SPRED1: variants seen among roughly 807,000 people sequenced by gnomAD.
SPRED1 encodes sprouty-related, EVH1 domain-containing protein 1.
SPRED1 carries 18 observed loss-of-function variants against 52.3 expected under a neutral mutation model. That is an observed-to-expected ratio of 0.34 (90% CI 0.24 to 0.51). The LOEUF (loss-of-function observed/expected upper bound fraction) is 0.51. Among genes scored for constraint, SPRED1 ranks in the 20% least tolerant of loss-of-function variants. The probability of loss-of-function intolerance (pLI) is 0.97; values close to 1 mark genes in which losing one functional copy is unlikely to be tolerated. For synonymous variants in SPRED1, 155 were observed against 179.7 expected (o/e 0.86, Z 1.10); for missense variants, 485 against 551.0 (o/e 0.88, Z 1.20).
intron 4 of SPRED1, among the ~76,000 whole-genome samples, chr15:38,330,401 A>G (rs1895784149): frequency 6.6e-6 from 1 of 152,168 alleles, no homozygotes; most frequent in Non-Finnish European, 1.5e-5. Flanking sequence ...GGGCTGGTTT[A>G]TTCTTACCCT....
Position 38,348,416 on chromosome 15 carries a change from C to CTGTGTGTGTG in SPRED1, c.583-992_583-983dup, listed in dbSNP as rs3075338. ...GTACAAAGGGTCCTATTTTAAAGAT[C>CTGTGTGTGTG]TGTGTGTGTGTGTGTGTGTGTGTCT... On this transcript the variant is annotated intron_variant, in intron 5 of 6. Transcript: ENST00000299084. Among the ~76,000 whole-genome samples, 417 of 148,652 alleles carry CTGTGTGTGTG rather than the reference C, an allele frequency of 2.8e-3. 2 individuals are homozygous for CTGTGTGTGTG. Among genetic ancestry groups the CTGTGTGTGTG allele is most frequent in the African/African-American group, 9.5e-3 (389 of 40,850 alleles).
chr15:38,280,898 A>G (rs947001746), intron 1 of SPRED1, among the ~76,000 whole-genome samples: 2 of 152,210 alleles, frequency 1.3e-5, no homozygotes, highest in Non-Finnish European at 2.9e-5. Context: ...TCACCTAAAC[A>G]TCCATATCTC....
At chr15:38,330,551 T>C (rs1378514383) in intron 4 of SPRED1, among the ~76,000 whole-genome samples, 1 of 152,108 alleles carries the variant, frequency 6.6e-6, no homozygotes, top group Admixed American at 6.6e-5. Flanking sequence ...GTAATTTTTT[T>C]CCTTTTTTTC....
In SPRED1 at chr15:38,308,752, G is replaced by T. The variant is rs564971617; in HGVS notation, c.207+9205G>T. On this transcript the variant is annotated intron_variant, in intron 2 of 6. Transcript: ENST00000299084. ...CTGAAGGACATCTTGGCTGTTTCCA[G>T]TTTGGGACTAAATATAACGTTGCTG... Among the ~76,000 whole-genome samples the T allele has an allele frequency of 1.7e-4, 26 of 152,288 alleles. No homozygotes were observed. The East Asian group carries it at 5.0e-3, about 29-fold the overall frequency.
chr15:38,288,332 T>C, intron 1 of SPRED1, among the ~76,000 whole-genome samples: 1 of 152,112 alleles, frequency 6.6e-6, no homozygotes, highest in South Asian at 2.1e-4. Flanking sequence ...GTTAATAAAT[T>C]GAGAGGAAGG....
chr15:38,332,194 T>C (rs770585463), intron 4 of SPRED1, among the ~76,000 whole-genome samples: 1 of 152,216 alleles, frequency 6.6e-6, no homozygotes, highest in Admixed American at 6.5e-5. Flanking sequence ...ATATGTCAAA[T>C]AGTAATAGTG....
At chr15:38,267,819 G>C (rs1423909659) in intron 1 of SPRED1, among the ~76,000 whole-genome samples, 1 of 152,162 alleles carries the variant, frequency 6.6e-6, no homozygotes, top group Non-Finnish European at 1.5e-5. Flanking sequence ...ATGGCTTTCA[G>C]ACTTTTTGAC....
At chr15:38,278,006 T>TAATGAC (rs150126215) in intron 1 of SPRED1, among the ~76,000 whole-genome samples, 2 of 151,300 alleles carry the variant, frequency 1.3e-5, no homozygotes, top group South Asian at 2.1e-4. Context: ...AAGGATGTAT[T>TAATGAC]AATGGCAAGT....
intron 1 of SPRED1, among the ~76,000 whole-genome samples, chr15:38,265,756 G>GA (rs895907585): frequency 4.6e-5 from 7 of 151,794 alleles, no homozygotes; most frequent in Admixed American, 1.3e-4. Flanking sequence ...ATTTTTAATG[G>GA]AAAAAAACAT....
intron 2 of SPRED1, among the ~76,000 whole-genome samples, chr15:38,300,964 T>C (rs1378026613): frequency 6.6e-6 from 1 of 152,150 alleles, no homozygotes; most frequent in East Asian, 1.9e-4. Context: ...GGTGAAAATC[T>C]AAGGCATTTT....
At position 38,354,742 on chromosome 15, in the gene SPRED1, T is replaced by G. The variant is rs543909086; in HGVS notation, c.*3078T>G. On this transcript the variant is annotated 3_prime_UTR_variant, in exon 7 of 7. Coordinates refer to ENST00000299084, the MANE Select transcript of SPRED1 (RefSeq NM_152594.3). ...TCTTACATATCCTGTTTTAAAATATTTGTTGATATTTGGGACTGGCAATCA... is the reference window on the plus strand; with the variant it reads ...TCTTACATATCCTGTTTTAAAATATGTGTTGATATTTGGGACTGGCAATCA... 6.6e-6 allele frequency: 1 copy of G among 152,328 alleles called. No individual in the cohort carries two copies. The highest frequency in any genetic ancestry group is 1.5e-5 in the Non-Finnish European group (1 of 68,026). The allele number at this position is 152,328 out of a possible 1,614,324, so 9.4% of individuals were successfully genotyped here. A position where few individuals can be genotyped will look rare whatever the true frequency, so the allele number is the denominator to read the frequency against.
At chr15:38,269,743 T>C (rs900838167) in intron 1 of SPRED1, among the ~76,000 whole-genome samples, 1 of 152,346 alleles carries the variant, frequency 6.6e-6, no homozygotes, top group Admixed American at 6.5e-5. Flanking sequence ...ATTCTGTTTG[T>C]GGTATCCACT....
chr15:38,289,582 C>A (rs1393044392), intron 1 of SPRED1, among the ~76,000 whole-genome samples: 1 of 152,194 alleles, frequency 6.6e-6, no homozygotes, highest in South Asian at 2.1e-4. Flanking sequence ...TCTGGATGAA[C>A]CTGGGCTAAT....
At chr15:38,316,912 T>A (rs1895499194) in intron 2 of SPRED1, among the ~76,000 whole-genome samples, 1 of 151,762 alleles carries the variant, frequency 6.6e-6, no homozygotes, top group South Asian at 2.1e-4. Flanking sequence ...GTTATTCGTG[T>A]CATATTATTT....
chr15:38,283,176 C>T (rs8025814), intron 1 of SPRED1, among the ~76,000 whole-genome samples: 3,700 of 152,192 alleles, frequency 0.024, 166 homozygotes, highest in African/African-American at 0.085. Flanking sequence ...GGGAAGTAGG[C>T]GCCTTCCTCA....
intron 6 of SPRED1, among the ~76,000 whole-genome samples, 190 bp from the exon 7 acceptor site, chr15:38,350,824 C>T (rs543503614): frequency 6.6e-6 from 1 of 152,242 alleles, no homozygotes; most frequent in Admixed American, 6.5e-5. Context: ...ATGAGGTCCG[C>T]CTATACCACA....
intron 4 of SPRED1, among the ~76,000 whole-genome samples, chr15:38,325,328 G>C (rs929091981): frequency 6.6e-6 from 1 of 152,090 alleles, no homozygotes; most frequent in East Asian, 1.9e-4. Flanking sequence ...TCTTTAAATT[G>C]GGTACTATCC....
chr15:38,271,448 A>G (rs1894432272), intron 1 of SPRED1, among the ~76,000 whole-genome samples: 1 of 151,876 alleles, frequency 6.6e-6, no homozygotes, highest in African/African-American at 2.4e-5. Flanking sequence ...TTTGACAGTC[A>G]TTAATGTTGA....
At chr15:38,336,575 A>C (rs886295378) in intron 4 of SPRED1, among the ~76,000 whole-genome samples, 5 of 151,566 alleles carry the variant, frequency 3.3e-5, no homozygotes, top group African/African-American at 1.2e-4. Flanking sequence ...ATATACACAC[A>C]CACACACTAT....
Sources: allele counts gnomAD v4.1 joint callset (sites outside exome capture counted in the v4.1 genomes callset), GRCh38; gene constraint gnomAD v4.1.1; transcripts MANE v1.5; gene names NCBI Gene and HGNC (gene_info 2026-07-23, HGNC 2026-07-21).